The following PCSK5 variants were observed in gnomAD, a reference collection of about 807,000 sequenced individuals.
PCSK5 encodes prohormone convertase 5.
PCSK5 carries 129 observed loss-of-function variants against 233.2 expected under a neutral mutation model. The observed-to-expected ratio is 0.55, with a 90% CI of 0.48 to 0.64. PCSK5 has a LOEUF of 0.64. Among genes scored for constraint, PCSK5 ranks in the 30% least tolerant of loss-of-function variants. PCSK5 has a pLI of 0.00. For missense variants in PCSK5, 2,076 were observed against 2,430.1 expected (o/e 0.85, Z 3.06); for synonymous variants, 825 against 879.2 (o/e 0.94, Z 1.09).
At chr9:76,351,447 G>GAAAGGAAAGAGAAAGAAA in intron 36 of PCSK5, among the ~76,000 whole-genome samples, 1 of 27,472 alleles carries the variant, frequency 3.6e-5, no homozygotes, top group South Asian at 2.0e-3. Context: ...GTGAAAGAAA[G>GAAAGGAAAGAGAAAGAAA]GAAAGAAAGA....
chr9:76,133,324 A>T (rs118111570), intron 9 of PCSK5, among the ~76,000 whole-genome samples: 5 of 152,098 alleles, frequency 3.3e-5, no homozygotes, highest in African/African-American at 1.2e-4. Flanking sequence ...TACATAGTCT[A>T]TGAAAGGGAA....
intron 24 of PCSK5, among the ~76,000 whole-genome samples, chr9:76,254,020 T>C (rs148877441): frequency 0.014 from 2,181 of 152,294 alleles, 50 homozygotes; most frequent in African/African-American, 0.049. Context: ...CTCTGCTCTG[T>C]GTGATCCTTA....
chr9:76,322,102 A>G (rs934673602), intron 31 of PCSK5, among the ~76,000 whole-genome samples: 3 of 151,904 alleles, frequency 2.0e-5, no homozygotes, highest in Admixed American at 6.5e-5. Context: ...GGCACGCTCC[A>G]CCACGCCGGG....
At chr9:75,928,638 T>A (rs191606630) in intron 1 of PCSK5, among the ~76,000 whole-genome samples, 90 of 128,564 alleles carry the variant, frequency 7.0e-4, no homozygotes, top group African/African-American at 2.3e-3. Flanking sequence ...TATATATATA[T>A]AATCCTAGAA....
rs1236968681 is a variant in PCSK5, at chr9:76,096,079, G to A, written c.1084G>A (p.Gly362Arg). The A allele has an allele frequency of 6.2e-7, 1 of 1,613,614 alleles. No homozygotes were observed. The highest frequency in any genetic ancestry group is 8.5e-7 in the Non-Finnish European group (1 of 1,179,786). The change falls in exon 8 of 38, where the codon GGG (glycine) becomes AGG (arginine). Residue 362 changes from glycine to arginine, a missense_variant. Physicochemically the swap from Gly to Arg is moderately radical, Grantham distance 125. Around this residue, in one of 6 missense-constraint regions of PCSK5, gnomAD observed 178 missense variants for 393.6 expected, o/e 0.45. Coordinates refer to ENST00000674117, the MANE Select transcript of PCSK5 (RefSeq NM_001372043.1). ...CACGCTGGCCACAACCTACAGCAGC[G>A]GGGAGTCCTACGATAAGAAAATCGT... ...SSTLATTYSS[G>R]ESYDKKIITT...
At chr9:76,108,536 C>T (rs541477903) in intron 9 of PCSK5, among the ~76,000 whole-genome samples, 3 of 152,256 alleles carry the variant, frequency 2.0e-5, no homozygotes, top group East Asian at 1.9e-4. Context: ...GGGTGGATCA[C>T]GAGGTCAAGA....
intron 24 of PCSK5, among the ~76,000 whole-genome samples, chr9:76,249,689 G>C (rs985675511): frequency 6.6e-6 from 1 of 152,148 alleles, no homozygotes; most frequent in Non-Finnish European, 1.5e-5. Flanking sequence ...TGTAATGACA[G>C]AATGTAGGAG....
chr9:75,963,013 T>C (rs931574424), intron 2 of PCSK5, among the ~76,000 whole-genome samples: 6 of 152,316 alleles, frequency 3.9e-5, no homozygotes, highest in Non-Finnish European at 8.8e-5. Flanking sequence ...TCCTCATCCA[T>C]AATAATGTCA....
chr9:75,952,831 A>G (rs1587411777), intron 2 of PCSK5, among the ~76,000 whole-genome samples: 1 of 152,228 alleles, frequency 6.6e-6, no homozygotes, highest in Admixed American at 6.5e-5. Flanking sequence ...ATTCTATTAC[A>G]TGGATGTATC....
At chr9:75,923,415 T>G (rs1823341060) in intron 1 of PCSK5, among the ~76,000 whole-genome samples, 2 of 152,034 alleles carry the variant, frequency 1.3e-5, no homozygotes, top group Admixed American at 6.5e-5. Context: ...TCCTTCATTT[T>G]GGGCTTCAGT....
chr9:76,251,563 CAAAAAAAA>C (rs60973474), intron 24 of PCSK5, among the ~76,000 whole-genome samples: 1 of 96,808 alleles, frequency 1.0e-5, no homozygotes, highest in Non-Finnish European at 2.1e-5. Context: ...GACTCCGTCT[CAAAAAAAA>C]AAAAAAAAAG....
In PCSK5 at chr9:76,189,182, C is replaced by T; in HGVS notation, c.2469C>T (p.Tyr823=). 6.2e-7 allele frequency: 1 copy of T among 1,612,950 alleles called. No homozygotes were observed. Among genetic ancestry groups the T allele is most frequent in the Non-Finnish European group, 8.5e-7 (1 of 1,179,502 alleles). Residue 823 remains tyrosine (Y), a synonymous_variant, in exon 19 of 38, where the codon TAC becomes TAT. Transcript: ENST00000674117. ...TGCAGAGCTGTAGTATCAGCTATTA[C>T]TTTGACCACTCTTCAGAGAATGGAT... ...RCVQSCSISY[Y]FDHSSENGYK... is the part of the protein sequence containing the mutation.
At chr9:75,896,298 G>A (rs1432224827) in intron 1 of PCSK5, among the ~76,000 whole-genome samples, 1 of 152,190 alleles carries the variant, frequency 6.6e-6, no homozygotes, top group Non-Finnish European at 1.5e-5. Context: ...GGATTTCGGG[G>A]TCTATTTGAA....
At position 76,189,103 on chromosome 9, in the gene PCSK5, C is replaced by CTGA. The variant is rs1824240955; in HGVS notation, c.2393_2395dup (p.Asp798dup). 4.3e-6 allele frequency: 7 copies of CTGA among 1,613,356 alleles called. No homozygotes were observed. Among genetic ancestry groups the CTGA allele is most frequent in the Non-Finnish European group, 5.9e-6 (7 of 1,179,724 alleles). The stretch of plus-strand genomic sequence containing the variant: ...TTGTCTTGCTTTTAAGGGGCAGGAG[C>CTGA]TGATGGGTGCATTAACTGCACAGAG... On this transcript the variant is annotated inframe_insertion, in exon 19 of 38. Transcript: ENST00000674117.
intron 1 of PCSK5, among the ~76,000 whole-genome samples, chr9:75,905,490 C>T (rs979382556): frequency 6.6e-6 from 1 of 152,220 alleles, no homozygotes; most frequent in African/African-American, 2.4e-5. Context: ...GCATTCCAGC[C>T]TGGATGACAG....
chr9:75,933,716 A>C (rs906803883), intron 2 of PCSK5, among the ~76,000 whole-genome samples: 1 of 152,014 alleles, frequency 6.6e-6, no homozygotes, highest in Non-Finnish European at 1.5e-5. Flanking sequence ...CCCCTAATAC[A>C]TTTTCATGGT....
In PCSK5 at chr9:76,358,744, T is replaced by G; in HGVS notation, c.5486T>G (p.Phe1829Cys). The G allele has an allele frequency of 6.2e-7, 1 of 1,612,864 alleles. No homozygotes were observed. The highest frequency in any genetic ancestry group is 1.1e-5 in the South Asian group (1 of 91,078). The stretch of plus-strand genomic sequence containing the variant: ...AGCAGCTATAGAGAGAGCACCAGCT[T>G]TGAAGAGGATCAGGTGATTGAGTAC... Reference protein sequence around the residue: ...YKSSYRESTSFEEDQVIEYRD... With the variant: ...YKSSYRESTSCEEDQVIEYRD... Residue 1829 changes from phenylalanine (F) to cysteine (C), a missense_variant, in exon 38 of 38, where the codon TTT becomes TGT. Phe to Cys is a radical substitution (Grantham distance 205). Coordinates refer to ENST00000674117, the MANE Select transcript of PCSK5 (RefSeq NM_001372043.1).
intron 2 of PCSK5, among the ~76,000 whole-genome samples, chr9:75,949,282 T>C (rs1412949271): frequency 1.3e-5 from 2 of 151,842 alleles, no homozygotes; most frequent in African/African-American, 2.4e-5. Flanking sequence ...TACTGTGACA[T>C]TGGTGTAAGT....
chr9:75,918,295 T>C (rs1286380521), intron 1 of PCSK5, among the ~76,000 whole-genome samples: 1 of 152,228 alleles, frequency 6.6e-6, no homozygotes, highest in African/African-American at 2.4e-5. Context: ...TGAATGTTGC[T>C]TCATCAACAC....
Sources: gnomAD v4.1 joint callset for allele counts (sites outside exome capture counted in the v4.1 genomes callset) on GRCh38, gnomAD v4.1.1 for gene constraint, gnomAD v4.1.1 regional missense constraint, MANE v1.5 for transcripts, NCBI Gene and HGNC (gene_info 2026-07-23, HGNC 2026-07-21) for gene names.